Variants in TRIP12 observed in about 807,000 individuals in gnomAD.
TRIP12 encodes E3 ubiquitin-protein ligase TRIP12.
TRIP12 carries 25 observed loss-of-function variants against 244.2 expected under a neutral mutation model. That is an observed-to-expected ratio of 0.10 (90% CI 0.07 to 0.14). The LOEUF is 0.14. Among genes scored for constraint, TRIP12 ranks in the 10% least tolerant of loss-of-function variants. The pLI is 1.00. For synonymous variants in TRIP12, 905 were observed against 873.1 expected, an observed-to-expected ratio of 1.04 and a Z score of -0.64; for missense variants, 1,677 against 2,486.4, an observed-to-expected ratio of 0.67 and a Z score of 6.92.
intron 1 of TRIP12, among the ~76,000 whole-genome samples, chr2:229,917,062 CT>C: frequency 6.6e-6 from 1 of 152,050 alleles, no homozygotes; most frequent in Non-Finnish European, 1.5e-5. Flanking sequence ...ACAAGTAAAG[CT>C]TACATTACAC....
intron 18 of TRIP12, 108 bp from the exon 19 acceptor site, chr2:229,804,335 A>G: frequency 2.1e-6 from 2 of 945,010 alleles, no homozygotes; most frequent in African/African-American, 1.7e-5. Flanking sequence ...AATGCTATGA[A>G]AACTTTTTCA....
intron 4 of TRIP12, among the ~76,000 whole-genome samples, chr2:229,853,241 C>T (rs1284128832): frequency 6.6e-6 from 1 of 152,128 alleles, no homozygotes; most frequent in Non-Finnish European, 1.5e-5. Context: ...TGAAATTTCT[C>T]ACAATGGCCT....
At chr2:229,774,011 A>T in intron 38 of TRIP12, 86 bp downstream of exon 38, 5 of 1,429,080 alleles carry the variant, frequency 3.5e-6, no homozygotes, top group Non-Finnish European at 4.8e-6. Context: ...CTCAAGCCAT[A>T]GCGTGTGCAG....
At chr2:229,906,961 A>G (rs896824281) in intron 1 of TRIP12, among the ~76,000 whole-genome samples, 2 of 152,216 alleles carry the variant, frequency 1.3e-5, no homozygotes, top group African/African-American at 2.4e-5. Context: ...TAGCAGTGAT[A>G]AAACACCTGA....
At chr2:229,903,781 C>T (rs1027710148) in intron 1 of TRIP12, among the ~76,000 whole-genome samples, 1 of 149,646 alleles carries the variant, frequency 6.7e-6, no homozygotes, top group African/African-American at 2.5e-5. Flanking sequence ...TTTGGGATGC[C>T]AAAGCAGACA....
rs376501507 is a variant in TRIP12, at chr2:229,886,235, T to C, written c.-49-6107A>G. On this transcript the variant is annotated intron_variant, in intron 1 of 41. Transcript: ENST00000675903. ...AAACCTGAAATAGCTGTATCTGATATAGAACAGCACAATGCAGTTTATTAG... is the reference window on the plus strand; with the variant it reads ...AAACCTGAAATAGCTGTATCTGATACAGAACAGCACAATGCAGTTTATTAG... Among the ~76,000 whole-genome samples the C allele has an allele frequency of 1.3e-4, 20 of 152,312 alleles. No homozygotes were observed. In the South Asian group the frequency reaches 3.9e-3, roughly 30 times the overall value.
chr2:229,771,179 C>T (rs574623966), intron 39 of TRIP12, among the ~76,000 whole-genome samples: 1 of 152,356 alleles, frequency 6.6e-6, no homozygotes, highest in South Asian at 2.1e-4. Flanking sequence ...AAGCCCCCTC[C>T]ATGTCTCTCT....
intron 2 of TRIP12, among the ~76,000 whole-genome samples, chr2:229,865,162 A>T (rs867334289): frequency 6.6e-6 from 1 of 151,936 alleles, no homozygotes; most frequent in Non-Finnish European, 1.5e-5. Flanking sequence ...AAATACAAAA[A>T]TTAGCAGGGT....
chr2:229,881,099 C>T (rs2064774841), intron 1 of TRIP12, among the ~76,000 whole-genome samples: 1 of 151,818 alleles, frequency 6.6e-6, no homozygotes, highest in Admixed American at 6.5e-5. Context: ...AAAATAATCT[C>T]TACCTTTAAT....
chr2:229,865,396 G>T (rs1007048864), intron 2 of TRIP12, among the ~76,000 whole-genome samples: 2 of 150,392 alleles, frequency 1.3e-5, no homozygotes, highest in Non-Finnish European at 3.0e-5. Context: ...GAGGAAAGTG[G>T]CTAGTTACAA....
chr2:229,837,575 A>G (rs955460072), intron 5 of TRIP12, among the ~76,000 whole-genome samples: 2 of 152,238 alleles, frequency 1.3e-5, no homozygotes, highest in East Asian at 3.9e-4. Flanking sequence ...CGGAGGTTGC[A>G]GTGAGCCGAG....
In TRIP12 at chr2:229,812,815, A is replaced by T. The variant is rs137975758; in HGVS notation, c.1986+1055T>A. ...GACTCAGTCTCAAAAACAAAAACAA[A>T]ACAGAACAAAAAAAAATTCCTAAAT... On this transcript the variant is annotated intron_variant, in intron 13 of 41. Transcript: ENST00000675903. 9.4e-5 allele frequency among the ~76,000 whole-genome samples: 14 copies of T among 149,340 alleles called. No homozygotes were observed. The East Asian group carries it at 2.7e-3, about 29-fold the overall frequency.
At chr2:229,895,211 T>G (rs1449001811) in intron 1 of TRIP12, among the ~76,000 whole-genome samples, 2 of 151,934 alleles carry the variant, frequency 1.3e-5, no homozygotes, top group Non-Finnish European at 2.9e-5. Flanking sequence ...ATTTCTAACA[T>G]GAAAAATAAA....
chr2:229,799,834 A>G (rs1021402646), intron 21 of TRIP12, among the ~76,000 whole-genome samples: 2 of 152,298 alleles, frequency 1.3e-5, no homozygotes, highest in African/African-American at 2.4e-5. Context: ...TTTAATGCCA[A>G]TTCTGTGCCA....
At chr2:229,829,720 G>A (rs1222952992) in intron 7 of TRIP12, among the ~76,000 whole-genome samples, 14 of 152,124 alleles carry the variant, frequency 9.2e-5, no homozygotes, top group South Asian at 2.1e-4. Context: ...AGGCCGAGAC[G>A]GGAGGATCAC....
At chr2:229,891,804 T>C (rs1416951696) in intron 1 of TRIP12, among the ~76,000 whole-genome samples, 1 of 152,174 alleles carries the variant, frequency 6.6e-6, no homozygotes, top group Non-Finnish European at 1.5e-5. Flanking sequence ...ACTGATATCC[T>C]TAGAAACTTC....
At chr2:229,834,409 G>C (rs1235845842) in intron 6 of TRIP12, among the ~76,000 whole-genome samples, 1 of 152,178 alleles carries the variant, frequency 6.6e-6, no homozygotes, top group Non-Finnish European at 1.5e-5. Context: ...ACTAGCATTT[G>C]CAAGACTTTA....
intron 1 of TRIP12, among the ~76,000 whole-genome samples, chr2:229,916,416 T>G (rs1282005390): frequency 6.6e-6 from 1 of 152,096 alleles, no homozygotes; most frequent in Non-Finnish European, 1.5e-5. Context: ...GATAGCCAAG[T>G]GTGGAGGTGC....
At chr2:229,903,416 C>G (rs1169398408) in intron 1 of TRIP12, among the ~76,000 whole-genome samples, 1 of 152,012 alleles carries the variant, frequency 6.6e-6, no homozygotes, top group African/African-American at 2.4e-5. Flanking sequence ...ATAGGATGAC[C>G]AAGTAAGGCC....
Sources: allele counts gnomAD v4.1 joint callset (sites outside exome capture counted in the v4.1 genomes callset), GRCh38; gene constraint gnomAD v4.1.1; transcripts MANE v1.5; gene names NCBI Gene and HGNC (gene_info 2026-07-23, HGNC 2026-07-21).